The following DLGAP2 variants were observed in gnomAD, a reference collection of about 807,000 sequenced individuals.
DLGAP2 encodes DLG associated protein 2.
DLGAP2 carries 26 observed loss-of-function variants against 100.3 expected under a neutral mutation model. That is an observed-to-expected ratio of 0.26 (90% confidence interval 0.19 to 0.36). DLGAP2 has a LOEUF of 0.36. Ranked by LOEUF, DLGAP2 falls within the 10% of genes least tolerant of loss-of-function variation. DLGAP2 has a pLI of 1.00. For synonymous variants in DLGAP2, 886 were observed against 630.1 expected (o/e 1.41, Z -6.08); for missense variants, 1,858 against 1,453.2 (o/e 1.28, Z -4.53).
intron 2 of DLGAP2, among the ~76,000 whole-genome samples, chr8:1,208,553 C>G (rs1798042230): frequency 6.6e-6 from 1 of 152,074 alleles, no homozygotes; most frequent in African/African-American, 2.4e-5. Flanking sequence ...AAGCATTTTT[C>G]CTGAGAACTG....
At chr8:1,645,263 T>A (rs999057807) in intron 8 of DLGAP2, among the ~76,000 whole-genome samples, 1 of 152,244 alleles carries the variant, frequency 6.6e-6, no homozygotes, top group African/African-American at 2.4e-5. Flanking sequence ...GAAACCATAC[T>A]CTGAGTGCCC....
At chr8:800,658 G>A (rs554134931) in intron 1 of DLGAP2, among the ~76,000 whole-genome samples, 8 of 152,290 alleles carry the variant, frequency 5.3e-5, no homozygotes, top group South Asian at 2.1e-4. Context: ...GTGCACATGC[G>A]TGTGCATGTG....
At chr8:1,480,713 A>C (rs568970182) in intron 3 of DLGAP2, among the ~76,000 whole-genome samples, 75 of 151,612 alleles carry the variant, frequency 4.9e-4, no homozygotes, top group Middle Eastern at 6.8e-3. Flanking sequence ...AAAAACCTAC[A>C]AAACTAGCCA....
chr8:1,040,388 A>AGCTCGGTTTCCGTGGTCG (rs1802304429), intron 2 of DLGAP2, among the ~76,000 whole-genome samples: 1 of 93,246 alleles, frequency 1.1e-5, no homozygotes, highest in South Asian at 3.5e-4. Context: ...TTCCGTGGTC[A>AGCTCGGTTTCCGTGGTCG]GCTCGGTGTG....
chr8:1,065,017 C>T (rs1803202439), intron 2 of DLGAP2, among the ~76,000 whole-genome samples: 1 of 152,226 alleles, frequency 6.6e-6, no homozygotes, highest in African/African-American at 2.4e-5. Flanking sequence ...TCTGGAGATA[C>T]AGCCAGACAC....
chr8:1,630,377 T>C (rs11988994), intron 7 of DLGAP2, among the ~76,000 whole-genome samples: 46,480 of 151,920 alleles, frequency 0.31, 9,580 homozygotes, highest in African/African-American at 0.59. Flanking sequence ...TCTGGAGAGA[T>C]GTGAATTTGG....
At chr8:875,053 A>G (rs1389929080) in intron 1 of DLGAP2, among the ~76,000 whole-genome samples, 3 of 152,176 alleles carry the variant, frequency 2.0e-5, no homozygotes, top group Non-Finnish European at 2.9e-5. Context: ...TCTGATATCA[A>G]TGTAGCTATT....
chr8:1,305,872 C>T (rs1256160508), intron 3 of DLGAP2, among the ~76,000 whole-genome samples: 1 of 152,160 alleles, frequency 6.6e-6, no homozygotes, highest in Non-Finnish European at 1.5e-5. Flanking sequence ...TGTGCCCTTG[C>T]CTGCCCTCTA....
chr8:1,581,223 G>A (rs1318680384), intron 6 of DLGAP2, among the ~76,000 whole-genome samples: 1 of 148,170 alleles, frequency 6.7e-6, no homozygotes, highest in African/African-American at 2.6e-5. Flanking sequence ...AGAAGTGAAG[G>A]ATACAGACAA....
intron 2 of DLGAP2, among the ~76,000 whole-genome samples, chr8:1,046,312 G>A (rs1802514190): frequency 6.6e-6 from 1 of 152,200 alleles, no homozygotes; most frequent in Admixed American, 6.5e-5. Flanking sequence ...GTCAAAGTGT[G>A]CATGTGACCG....
intron 6 of DLGAP2, among the ~76,000 whole-genome samples, chr8:1,577,790 C>T (rs958955078): frequency 6.6e-6 from 1 of 152,088 alleles, no homozygotes; most frequent in Non-Finnish European, 1.5e-5. Context: ...CACAGGGGCA[C>T]ACAGCATGCT....
At chr8:1,406,915 T>C (rs74734579) in intron 3 of DLGAP2, among the ~76,000 whole-genome samples, 2 of 37,272 alleles carry the variant, frequency 5.4e-5, no homozygotes, top group Non-Finnish European at 9.5e-5. Context: ...GCTCCCTCCT[T>C]GTCCTCCGGA....
At chr8:1,285,764 T>G (rs1799909063) in intron 3 of DLGAP2, among the ~76,000 whole-genome samples, 2 of 151,778 alleles carry the variant, frequency 1.3e-5, no homozygotes, top group South Asian at 4.2e-4. Context: ...AGCCCAGGAG[T>G]TCAAGACCAG....
rs183470617 is a variant in DLGAP2, at chr8:764,212, G to C, written c.18+26387G>C. Reference sequence around the variant, plus strand: ...CATCCTGCCTCATTTTGGCAATGAAGAGTCACAGGCGTGGATTTAGACTGG... The same window carrying C: ...CATCCTGCCTCATTTTGGCAATGAACAGTCACAGGCGTGGATTTAGACTGG... On this transcript the variant is annotated intron_variant, in intron 1 of 14. Transcript: ENST00000637795. Among the ~76,000 whole-genome samples, 48 of 152,334 alleles carry C rather than the reference G, an allele frequency of 3.2e-4. 1 individual carries two copies. The East Asian group carries it at 6.8e-3, about 21-fold the overall frequency.
intron 4 of DLGAP2, among the ~76,000 whole-genome samples, chr8:1,548,406 C>T (rs1232195084): frequency 7.1e-6 from 1 of 140,372 alleles, no homozygotes; most frequent in Non-Finnish European, 1.5e-5. Context: ...TTGCAGTGAG[C>T]CGTGATCGCG....
intron 2 of DLGAP2, among the ~76,000 whole-genome samples, chr8:1,165,244 AG>A (rs1166472437): frequency 6.6e-6 from 1 of 151,250 alleles, no homozygotes; most frequent in Non-Finnish European, 1.5e-5. Flanking sequence ...AGGCAGAGGG[AG>A]AGGAAGACAG....
chr8:1,565,602 A>C lies in DLGAP2; in HGVS notation c.1231-81A>C, dbSNP rs547029221. 4.6e-6 allele frequency: 5 copies of C among 1,090,308 alleles called. No homozygotes were observed. The South Asian group carries it at 7.7e-5, about 17-fold the overall frequency. 67.5% of individuals were successfully genotyped at this position (1,090,308 alleles called of 1,614,324 possible). ...GAGGTGTATCTTTATGGAATTGTAG[A>C]GGATTTGTTTCCAAAAAGGAGCTGA... On this transcript the variant is annotated intron_variant, in intron 5 of 14. Transcript: ENST00000637795.
chr8:1,431,055 A>T (rs1462480268), intron 3 of DLGAP2, among the ~76,000 whole-genome samples: 4 of 152,214 alleles, frequency 2.6e-5, no homozygotes, highest in Non-Finnish European at 4.4e-5. Context: ...TGGACATAGA[A>T]ACAAAAATGT....
intron 2 of DLGAP2, among the ~76,000 whole-genome samples, chr8:953,537 C>A (rs1189506319): frequency 6.6e-6 from 1 of 152,188 alleles, no homozygotes; most frequent in African/African-American, 2.4e-5. Context: ...TAAATTTGAT[C>A]ACTGATAGCA....
Sources: allele counts gnomAD v4.1 joint callset (sites outside exome capture counted in the v4.1 genomes callset), GRCh38; gene constraint gnomAD v4.1.1; transcripts MANE v1.5; gene names NCBI Gene and HGNC (gene_info 2026-07-23, HGNC 2026-07-21).